Variants in DPP6 observed in about 807,000 individuals in gnomAD.
DPP6 encodes the protein dipeptidyl peptidase like 6, also known as A-type potassium channel modulatory protein DPP6.
Under a neutral mutation model 122.6 loss-of-function variants are expected in DPP6, and 69 were observed. The ratio of observed to expected loss-of-function variants is 0.56; its 90% CI spans 0.46 to 0.69. DPP6 has a LOEUF of 0.69. Among genes scored for constraint, DPP6 ranks in the 30% least tolerant of loss-of-function variants. The pLI, the probability that DPP6 is intolerant of heterozygous loss-of-function variation, is 0.00. For missense variants in DPP6, 928 were observed against 1,116.9 expected, an observed-to-expected ratio of 0.83 and a Z score of 2.41; for synonymous variants, 418 against 433.1, an observed-to-expected ratio of 0.97 and a Z score of 0.43.
the DPP6 span, among the ~76,000 whole-genome samples, chr7:153,841,786 T>A: frequency 1.3e-5 from 2 of 152,200 alleles, no homozygotes; most frequent in Admixed American, 1.3e-4. Context: ...CTGAAATGAG[T>A]AGCAATAACT....
chr7:154,306,020 A>G (rs1016769388), intron 1 of DPP6, among the ~76,000 whole-genome samples: 1 of 152,208 alleles, frequency 6.6e-6, no homozygotes, highest in Non-Finnish European at 1.5e-5. Context: ...AGACAAGTCA[A>G]AGAAAATGAG....
At chr7:154,888,974 C>G (rs557891115) in intron 23 of DPP6, among the ~76,000 whole-genome samples, 71 of 151,366 alleles carry the variant, frequency 4.7e-4, no homozygotes, top group African/African-American at 1.5e-3. Flanking sequence ...ATGAGAACAG[C>G]AGCACAGGAA....
chr7:153,999,130 CTTGAG>C (rs910170954), intron 1 of DPP6, among the ~76,000 whole-genome samples: 15 of 152,324 alleles, frequency 9.8e-5, no homozygotes, highest in South Asian at 2.1e-4. Context: ...TTGGGCACCA[CTTGAG>C]TTGAGTTTGT....
intron 1 of DPP6, among the ~76,000 whole-genome samples, chr7:153,974,247 T>C (rs189139039): frequency 0.015 from 2,295 of 152,252 alleles, 60 homozygotes; most frequent in African/African-American, 0.052. Context: ...AACTTTCTTA[T>C]AGACAGTGGG....
intron 5 of DPP6, among the ~76,000 whole-genome samples, chr7:154,637,467 C>T (rs12536212): frequency 0.14 from 21,800 of 152,140 alleles, 1,821 homozygotes; most frequent in East Asian, 0.2. Context: ...CTTACTGACC[C>T]GTTGGGTCTA....
chr7:153,826,843 T>A, the DPP6 span, among the ~76,000 whole-genome samples: 2 of 132,178 alleles, frequency 1.5e-5, no homozygotes, highest in South Asian at 2.4e-4. Context: ...TCAGCAAATA[T>A]ATATATATAT....
chr7:154,259,658 T>C (rs1393947150), intron 1 of DPP6, among the ~76,000 whole-genome samples: 2 of 152,148 alleles, frequency 1.3e-5, no homozygotes, highest in East Asian at 1.9e-4. Context: ...GCAAAGGAGG[T>C]GTTTTTTAAT....
chr7:154,694,754 C>T (rs1840121791), intron 7 of DPP6, among the ~76,000 whole-genome samples: 2 of 152,162 alleles, frequency 1.3e-5, no homozygotes, highest in South Asian at 4.1e-4. Flanking sequence ...CTTTCCTAAA[C>T]CTGGGGTTAC....
intron 1 of DPP6, among the ~76,000 whole-genome samples, chr7:154,203,431 G>A (rs901100265): frequency 2.6e-5 from 4 of 152,054 alleles, no homozygotes; most frequent in African/African-American, 7.2e-5. Context: ...CCTTGTCCTC[G>A]CAGGTCATTC....
intron 21 of DPP6, chr7:154,884,097 CCCAT>C (rs1805818726): frequency 6.9e-6 from 1 of 145,122 alleles, no homozygotes; most frequent in African/African-American, 2.8e-5. Flanking sequence ...CACATGCTCA[CCCAT>C]ACACATGCTC....
At chr7:154,490,740 C>A (rs1204469378) in intron 3 of DPP6, among the ~76,000 whole-genome samples, 1 of 152,150 alleles carries the variant, frequency 6.6e-6, no homozygotes, top group African/African-American at 2.4e-5. Flanking sequence ...TTCCATACAT[C>A]CATGCTAGCT....
At chr7:154,471,221 C>T (rs574627358) in intron 2 of DPP6, among the ~76,000 whole-genome samples, 10 of 152,128 alleles carry the variant, frequency 6.6e-5, no homozygotes, top group South Asian at 2.1e-4. Context: ...ACCACACTCC[C>T]GCCTGGGTGA....
At chr7:154,526,537 G>C (rs1827420384) in intron 3 of DPP6, among the ~76,000 whole-genome samples, 1 of 152,122 alleles carries the variant, frequency 6.6e-6, no homozygotes, top group Non-Finnish European at 1.5e-5. Context: ...TATAAATGAG[G>C]AGCTAAATTT....
intron 1 of DPP6, among the ~76,000 whole-genome samples, chr7:153,967,555 G>A (rs71545698): frequency 2.0e-5 from 3 of 152,182 alleles, no homozygotes; most frequent in Non-Finnish European, 4.4e-5. Context: ...TAGTCCATTA[G>A]CTGACCTCGG....
rs61553100 is a variant in DPP6, at chr7:153,920,563, C to CTTTTTTTTTTTTTTTTTT, written c.51+32846_51+32847insTTTTTTTTTTTTTTTTTT. 4.8e-4 allele frequency among the ~76,000 whole-genome samples: 43 copies of CTTTTTTTTTTTTTTTTTT among 88,662 alleles called. 1 individual carries two copies. Among genetic ancestry groups the CTTTTTTTTTTTTTTTTTT allele is most frequent in the Non-Finnish European group, 6.5e-4 (32 of 49,372 alleles). 58.2% of individuals were successfully genotyped at this position (88,662 alleles called of 152,430 possible). A position where few individuals can be genotyped will look rare whatever the true frequency, so the allele number is the denominator to read the frequency against. On this transcript the variant is annotated intron_variant, in intron 1 of 25. Transcript: ENST00000404039. Reference sequence around the variant, plus strand: ...GTCAACCTTTTTCTTTTATCTCTCTCTTTTTTTTTTTTTTTTTGAGATGGA... The same window carrying CTTTTTTTTTTTTTTTTTT: ...GTCAACCTTTTTCTTTTATCTCTCTCTTTTTTTTTTTTTTTTTTTTTTTTTTTTTTTTTTTGAGATGGA...
intron 1 of DPP6, among the ~76,000 whole-genome samples, chr7:154,311,572 C>T (rs1400493271): frequency 6.6e-6 from 1 of 152,008 alleles, no homozygotes; most frequent in Non-Finnish European, 1.5e-5. Context: ...TGGTGCAATT[C>T]TGCATGTGGC....
intron 5 of DPP6, among the ~76,000 whole-genome samples, chr7:154,610,568 G>A (rs1833844669): frequency 6.6e-6 from 1 of 152,132 alleles, no homozygotes; most frequent in African/African-American, 2.4e-5. Context: ...TTCTGCAATG[G>A]CATATTGCTT....
intron 5 of DPP6, among the ~76,000 whole-genome samples, chr7:154,592,476 A>G (rs1832859810): frequency 6.6e-6 from 1 of 152,206 alleles, no homozygotes; most frequent in Non-Finnish European, 1.5e-5. Context: ...AGAGCCGGGG[A>G]AGCCCCTGCG....
chr7:154,686,102 A>G (rs2046746), intron 7 of DPP6, among the ~76,000 whole-genome samples: 141,575 of 151,634 alleles, frequency 0.93, 65,881 homozygotes, highest in East Asian at 0.99. Flanking sequence ...CTAGGCACTC[A>G]GTGTATTACT....
Sources: gnomAD v4.1 joint callset for allele counts (sites outside exome capture counted in the v4.1 genomes callset) on GRCh38, gnomAD v4.1.1 for gene constraint, MANE v1.5 for transcripts, NCBI Gene and HGNC (gene_info 2026-07-23, HGNC 2026-07-21) for gene names.